Variants in GRIP1 observed in about 807,000 individuals in gnomAD.
GRIP1 encodes glutamate receptor interacting protein 1.
Under a neutral mutation model 129.9 loss-of-function variants are expected in GRIP1, and 45 were observed. The ratio of observed to expected loss-of-function variants is 0.35; its 90% CI spans 0.27 to 0.44. The LOEUF is 0.44. Among genes scored for constraint, GRIP1 ranks in the 20% least tolerant of loss-of-function variants. The pLI is 1.00. For synonymous variants in GRIP1, 530 were observed against 520.8 expected, an observed-to-expected ratio of 1.02 and a Z score of -0.24; for missense variants, 1,196 against 1,396.8, an observed-to-expected ratio of 0.86 and a Z score of 2.29.
chr12:66,939,259 G>A (rs1239830954), intron 1 of GRIP1, among the ~76,000 whole-genome samples: 1 of 152,096 alleles, frequency 6.6e-6, no homozygotes, highest in East Asian at 1.9e-4. Context: ...GACTGAGGTG[G>A]AGGATTGAGA....
chr12:66,741,577 G>A (rs2136558884), intron 1 of GRIP1, among the ~76,000 whole-genome samples: 1 of 152,206 alleles, frequency 6.6e-6, no homozygotes, highest in South Asian at 2.1e-4. Flanking sequence ...TCACATGTAA[G>A]CAAATATAAA....
chr12:67,042,784 T>C (rs1412642844), intron 1 of GRIP1, among the ~76,000 whole-genome samples: 2 of 152,270 alleles, frequency 1.3e-5, no homozygotes, highest in East Asian at 1.9e-4. Context: ...GTGTGTATCA[T>C]GACTATGAGT....
chr12:66,427,264 T>C (rs1041919054), intron 14 of GRIP1, among the ~76,000 whole-genome samples: 1 of 152,182 alleles, frequency 6.6e-6, no homozygotes, highest in Non-Finnish European at 1.5e-5. Flanking sequence ...TTTGTCCTTA[T>C]GAGTTTTTGC....
chr12:66,519,977 T>G (rs2060953220), intron 5 of GRIP1, among the ~76,000 whole-genome samples: 1 of 152,248 alleles, frequency 6.6e-6, no homozygotes, highest in African/African-American at 2.4e-5. Context: ...GAACATCATT[T>G]TTATTCTATG....
chr12:66,741,981 G>T (rs2036803082), intron 1 of GRIP1, among the ~76,000 whole-genome samples: 1 of 152,078 alleles, frequency 6.6e-6, no homozygotes, highest in South Asian at 2.1e-4. Flanking sequence ...TCATACTAAA[G>T]AAAACAATTT....
chr12:66,678,144 A>G (rs893310958), intron 1 of GRIP1, among the ~76,000 whole-genome samples: 1 of 152,210 alleles, frequency 6.6e-6, no homozygotes, highest in Non-Finnish European at 1.5e-5. Context: ...ACGAGATGGC[A>G]CATCCAGAAT....
intron 1 of GRIP1, among the ~76,000 whole-genome samples, chr12:66,985,322 A>C (rs189450814): frequency 6.6e-6 from 1 of 151,638 alleles, no homozygotes; most frequent in Non-Finnish European, 1.5e-5. Flanking sequence ...TATGCGATAT[A>C]TTGTGGCAGC....
chr12:66,965,093 G>A (rs1186368776), intron 1 of GRIP1, among the ~76,000 whole-genome samples: 2 of 152,112 alleles, frequency 1.3e-5, no homozygotes, highest in East Asian at 1.9e-4. Flanking sequence ...TGAATTTTGG[G>A]AGCAGGGGCA....
chr12:66,929,532 T>C (rs955927791), intron 1 of GRIP1, among the ~76,000 whole-genome samples: 1 of 152,202 alleles, frequency 6.6e-6, no homozygotes, highest in African/African-American at 2.4e-5. Context: ...GGTTCACATA[T>C]GGAAGATGAT....
chr12:66,556,408 T>A (rs998008575), intron 2 of GRIP1, among the ~76,000 whole-genome samples: 2 of 152,248 alleles, frequency 1.3e-5, no homozygotes, highest in South Asian at 4.1e-4. Flanking sequence ...GCACCAGACC[T>A]GTCCTACAAG....
chr12:66,507,147 A>G (rs534482544), intron 7 of GRIP1, among the ~76,000 whole-genome samples: 1 of 152,296 alleles, frequency 6.6e-6, no homozygotes, highest in East Asian at 1.9e-4. Context: ...TAAGAAACTG[A>G]TAAAGTATGG....
chr12:66,377,494 A>ATTT (rs372760716), intron 20 of GRIP1, among the ~76,000 whole-genome samples: 8 of 134,330 alleles, frequency 6.0e-5, no homozygotes, highest in East Asian at 2.2e-4. Flanking sequence ...CGCCTGGCTA[A>ATTT]TTTTTTTTTT....
intron 1 of GRIP1, among the ~76,000 whole-genome samples, chr12:66,721,332 T>C (rs1018428134): frequency 2.6e-5 from 4 of 152,146 alleles, no homozygotes; most frequent in African/African-American, 9.7e-5. Context: ...TGGAGTGCAG[T>C]GGCAGTATCT....
intron 4 of GRIP1, among the ~76,000 whole-genome samples, chr12:66,537,078 T>C (rs1311417541): frequency 6.6e-6 from 1 of 151,704 alleles, no homozygotes; most frequent in Non-Finnish European, 1.5e-5. Flanking sequence ...CTTTGTAAAA[T>C]GAGAAAAAAA....
At chr12:66,576,085 T>A (rs2063129489) in intron 2 of GRIP1, among the ~76,000 whole-genome samples, 1 of 152,132 alleles carries the variant, frequency 6.6e-6, no homozygotes, top group Non-Finnish European at 1.5e-5. Flanking sequence ...ATGCCAGAAA[T>A]CTTAGACCTC....
chr12:66,826,349 G>GT (rs2039412622), intron 1 of GRIP1, among the ~76,000 whole-genome samples: 1 of 152,088 alleles, frequency 6.6e-6, no homozygotes, highest in East Asian at 1.9e-4. Context: ...AATACCTAAT[G>GT]TAGATGACGG....
upstream of GRIP1, among the ~76,000 whole-genome samples, chr12:66,807,291 T>C (rs1336006709): frequency 2.6e-5 from 4 of 152,082 alleles, no homozygotes; most frequent in Non-Finnish European, 5.9e-5. Context: ...ATCATGGAGA[T>C]GGATTTTCCA....
chr12:66,717,774 A>C (rs1252630287), intron 1 of GRIP1, among the ~76,000 whole-genome samples: 1 of 152,154 alleles, frequency 6.6e-6, no homozygotes, highest in Non-Finnish European at 1.5e-5. Context: ...CCAATTGATA[A>C]ACAAAATTAA....
intron 1 of GRIP1, among the ~76,000 whole-genome samples, chr12:66,853,945 G>T (rs185600889): frequency 5.3e-5 from 8 of 152,016 alleles, no homozygotes; most frequent in Non-Finnish European, 1.0e-4. Context: ...TGATTCACAA[G>T]CTCACTGAAA....
Sources: allele counts gnomAD v4.1 joint callset (sites outside exome capture counted in the v4.1 genomes callset), GRCh38; gene constraint gnomAD v4.1.1; transcripts MANE v1.5; gene names NCBI Gene and HGNC (gene_info 2026-07-23, HGNC 2026-07-21).